ZNF510: variants seen among roughly 807,000 people sequenced by gnomAD.
ZNF510 encodes zinc finger protein 510.
In ZNF510, 15 loss-of-function variants were observed where a neutral mutation model predicts 18.1. The ratio of observed to expected loss-of-function variants is 0.83; its 90% CI spans 0.55 to 1.28. The LOEUF is 1.28. Ranked by LOEUF, ZNF510 falls within the 50% of genes most tolerant of loss-of-function variation. ZNF510 has a pLI of 0.00. For missense variants in ZNF510, 724 were observed against 791.8 expected (o/e 0.91, Z 1.03); for synonymous variants, 261 against 266.4 (o/e 0.98, Z 0.20).
Position 96,755,518 on chromosome 9 carries a change from C to T in ZNF510, c.*3260G>A, listed in dbSNP as rs1314455615. 6.6e-6 allele frequency among the ~76,000 whole-genome samples: 1 copy of T among 152,126 alleles called. No homozygotes were observed. On this transcript the variant is annotated 3_prime_UTR_variant, in exon 6 of 6. Transcript: ENST00000223428. ...TTTCTTGGTAAGGCTGCTGGCAGTT[C>T]TACAGTTACAATGTAACTGGCCTAT...
Position 96,759,209 on chromosome 9 carries a change from C to T in ZNF510, c.1621G>A (p.Glu541Lys). ...CATTCATTACACTGGTAAGTTTTCT[C>T]CCCAGTGTGAGTTCTCTGATGTATT... ...LRIHQRTHTG[E>K]KTYQCNECEK... The change falls in exon 6 of 6, where the codon GAG becomes AAG. Residue 541 changes from glutamate to lysine, a missense_variant. Coordinates refer to ENST00000223428, the MANE Select transcript of ZNF510 (RefSeq NM_014930.3). 2 of 1,613,890 alleles carry T rather than the reference C, an allele frequency of 1.2e-6. No individual in the cohort carries two copies. Among genetic ancestry groups the T allele is most frequent in the Non-Finnish European group, 1.7e-6 (2 of 1,179,936 alleles).
chr9:96,776,298 T>C, intron 1 of ZNF510, 53 bp from the exon 2 acceptor site: 1 of 667,418 alleles, frequency 1.5e-6, no homozygotes, highest in African/African-American at 1.9e-5. Context: ...GATGCCTGGG[T>C]AACAAATTTA....
intron 2 of ZNF510, 135 bp downstream of exon 2, chr9:96,775,865 T>C (rs1172144449): frequency 2.7e-6 from 3 of 1,115,814 alleles, no homozygotes; most frequent in Non-Finnish European, 3.8e-6. Flanking sequence ...GGGGGCTCTA[T>C]GAGGAGGATT....
In ZNF510 at chr9:96,757,723, A is replaced by G. The variant is rs1191820354; in HGVS notation, c.*1055T>C. The G allele has an allele frequency of 6.6e-6, 1 of 152,188 alleles. No homozygotes were observed. The highest frequency in any genetic ancestry group is 1.9e-4 in the East Asian group (1 of 5,190). The allele number at this position is 152,188 out of a possible 1,614,324, so 9.4% of individuals were successfully genotyped here. ...TTTCCTACATATACACATGCCTATG[A>G]TAGTTTAATCTCTTGCTGTGCCTAA... On this transcript the variant is annotated 3_prime_UTR_variant, in exon 6 of 6. Coordinates refer to ENST00000223428, the MANE Select transcript of ZNF510 (RefSeq NM_014930.3).
At chr9:96,774,249 T>C (rs1435357041) in intron 3 of ZNF510, among the ~76,000 whole-genome samples, 1 of 152,216 alleles carries the variant, frequency 6.6e-6, no homozygotes, top group Non-Finnish European at 1.5e-5. Flanking sequence ...CATCGATCTC[T>C]CCTTTCTTTG....
At position 96,763,208 on chromosome 9, in the gene ZNF510, A is replaced by G; in HGVS notation, c.262T>C (p.Cys88Arg). 6.2e-7 allele frequency: 1 copy of G among 1,613,982 alleles called. No individual in the cohort carries two copies. Among genetic ancestry groups the G allele is most frequent in the South Asian group, 1.1e-5 (1 of 91,072 alleles). Residue 88 changes from cysteine (C) to arginine (R), a missense_variant, in exon 5 of 6, where the codon TGC becomes CGC. Coordinates refer to ENST00000223428, the MANE Select transcript of ZNF510 (RefSeq NM_014930.3). The part of the protein sequence containing the change: ...NYSNLVSVGY[C>R]CFKPEVIFKL... ...AAGATCACCTCTGGTTTGAAACAGC[A>G]GTACCCTGTTAATAAAACACAATCG... is the stretch of plus-strand genomic sequence containing the variant.
At position 96,759,747 on chromosome 9, in the gene ZNF510, C is replaced by G. The variant is rs759137347; in HGVS notation, c.1083G>C (p.Glu361Asp). ...LTDPQTAVIE[E>D]NPLVSNDRTQ... ...TTCTGTCATTACTTACCAATGGGTT[C>G]TCTTCTATGACAGCTGTTTGAGGAT... Residue 361 changes from glutamate (E) to aspartate (D), a missense_variant, in exon 6 of 6, where the codon GAG (glutamate) becomes GAC (aspartate). Transcript: ENST00000223428. 2 of 1,613,956 alleles carry G rather than the reference C, an allele frequency of 1.2e-6. No individual in the cohort carries two copies. The highest frequency in any genetic ancestry group is 2.7e-5 in the African/African-American group (2 of 75,018).
At chr9:96,767,283 G>A (rs1010382440) in intron 3 of ZNF510, among the ~76,000 whole-genome samples, 3 of 151,950 alleles carry the variant, frequency 2.0e-5, no homozygotes, top group Non-Finnish European at 4.4e-5. Flanking sequence ...AGCTGATATC[G>A]TGCCACTACA....
chr9:96,760,608 G>C (rs1010480374), intron 5 of ZNF510, 131 bp from the exon 6 acceptor site: 1 of 788,494 alleles, frequency 1.3e-6, no homozygotes, highest in Non-Finnish European at 1.9e-6. Flanking sequence ...GTATGTGTGT[G>C]TAAATATATA....
intron 3 of ZNF510, among the ~76,000 whole-genome samples, chr9:96,773,931 AG>A (rs1454373238): frequency 6.6e-6 from 1 of 152,194 alleles, no homozygotes; most frequent in African/African-American, 2.4e-5. Context: ...TCTTGATCTC[AG>A]ACTTCTGGTC....
intron 3 of ZNF510, among the ~76,000 whole-genome samples, chr9:96,769,665 T>G (rs1453830671): frequency 2.6e-5 from 4 of 152,022 alleles, no homozygotes; most frequent in Admixed American, 1.3e-4. Flanking sequence ...GAGAAAATAT[T>G]CACAAATACT....
In ZNF510 at chr9:96,759,443, T is replaced by G. The variant is rs147329007; in HGVS notation, c.1387A>C (p.Asn463His). The change falls in exon 6 of 6, where the codon AAT (asparagine) becomes CAT (histidine). Residue 463 changes from asparagine to histidine, a missense_variant. By Grantham distance (68) the Asn-to-His change is moderately conservative. Coordinates refer to ENST00000223428, the MANE Select transcript of ZNF510 (RefSeq NM_014930.3). ...IHTAEKPYKC[N>H]ECGKTFVQKS... ...TGGACAAATGTTTTTCCACATTCAT[T>G]ACATTTATAGGGTTTTTCTGCTGTA... 27 of 1,614,030 alleles carry G rather than the reference T, an allele frequency of 1.7e-5. No individual in the cohort carries two copies. In the African/African-American group the frequency reaches 3.5e-4, roughly 21 times the overall value.
chr9:96,776,297 G>T, intron 1 of ZNF510, 52 bp from the exon 2 acceptor site: 1 of 678,140 alleles, frequency 1.5e-6, no homozygotes, highest in Non-Finnish European at 2.2e-6. Context: ...TGATGCCTGG[G>T]TAACAAATTT....
intron 3 of ZNF510, among the ~76,000 whole-genome samples, chr9:96,764,233 T>A (rs1224273024): frequency 6.6e-6 from 1 of 152,254 alleles, no homozygotes; most frequent in Non-Finnish European, 1.5e-5. Flanking sequence ...ACAATTTGTA[T>A]TCCATCCCAA....
Position 96,758,535 on chromosome 9 carries a change from A to G in ZNF510, c.*243T>C, listed in dbSNP as rs1849247981. 8.4e-6 allele frequency: 4 copies of G among 473,810 alleles called. No individual in the cohort carries two copies. Among genetic ancestry groups the G allele is most frequent in the Non-Finnish European group, 1.5e-5 (4 of 270,842 alleles). The allele number at this position is 473,810 out of a possible 1,614,324, so 29.4% of individuals were successfully genotyped here. ...GGTATGACTTCATTCAGGCCTATCC[A>G]TAGTACTCTGAAAACAGAAGCCTGT... On this transcript the variant is annotated 3_prime_UTR_variant, in exon 6 of 6. Transcript: ENST00000223428.
At chr9:96,768,175 A>AAAAC (rs1281686442) in intron 3 of ZNF510, among the ~76,000 whole-genome samples, 3 of 152,204 alleles carry the variant, frequency 2.0e-5, no homozygotes, top group African/African-American at 7.2e-5. Context: ...TTTCATGATA[A>AAAAC]AAACAAACAT....
intron 3 of ZNF510, among the ~76,000 whole-genome samples, chr9:96,765,656 G>C (rs1849452431): frequency 6.6e-6 from 1 of 152,018 alleles, no homozygotes. Context: ...GGGACTACAG[G>C]CACGTGCCAC....
At chr9:96,768,202 A>C (rs1849515318) in intron 3 of ZNF510, among the ~76,000 whole-genome samples, 1 of 152,210 alleles carries the variant, frequency 6.6e-6, no homozygotes, top group South Asian at 2.1e-4. Context: ...TGGTAGGACT[A>C]GAATAGAACT....
intron 3 of ZNF510, among the ~76,000 whole-genome samples, chr9:96,772,065 C>G (rs905332711): frequency 3.9e-5 from 6 of 152,072 alleles, no homozygotes; most frequent in Non-Finnish European, 8.8e-5. Context: ...GAAGTACTAG[C>G]AAAAAGATAA....
Sources: allele counts gnomAD v4.1 joint callset (sites outside exome capture counted in the v4.1 genomes callset), GRCh38; gene constraint gnomAD v4.1.1; transcripts MANE v1.5; gene names NCBI Gene and HGNC (gene_info 2026-07-23, HGNC 2026-07-21).